The following SDK1 variants were observed in gnomAD, a reference collection of about 807,000 sequenced individuals.
SDK1 encodes the protein sidekick cell adhesion molecule 1, also known as protein sidekick-1.
In SDK1, 157 loss-of-function variants were observed where a neutral mutation model predicts 245.5. The ratio of observed to expected loss-of-function variants is 0.64; its 90% CI spans 0.56 to 0.73. SDK1 has a LOEUF of 0.73. Among genes scored for constraint, SDK1 ranks in the 30% least tolerant of loss-of-function variants. The pLI is 0.00. For synonymous variants in SDK1, 1,647 were observed against 1,278.5 expected (o/e 1.29, Z -6.15); for missense variants, 3,583 against 3,002.3 (o/e 1.19, Z -4.52).
At chr7:3,534,038 T>A (rs1193857024) in intron 1 of SDK1, among the ~76,000 whole-genome samples, 1 of 152,236 alleles carries the variant, frequency 6.6e-6, no homozygotes, top group African/African-American at 2.4e-5. Context: ...TGGAACTTTT[T>A]ACCTTTTGAT....
intron 20 of SDK1, among the ~76,000 whole-genome samples, chr7:4,070,958 C>T (rs1441448629): frequency 1.3e-5 from 2 of 151,988 alleles, no homozygotes; most frequent in African/African-American, 4.8e-5. Context: ...GATCCACCCA[C>T]TTTGGCCTCC....
chr7:3,821,487 A>G lies in SDK1; in HGVS notation c.751A>G (p.Thr251Ala), dbSNP rs770868354. 22 of 1,613,670 alleles carry G rather than the reference A, an allele frequency of 1.4e-5. No homozygotes were observed. The highest frequency in any genetic ancestry group is 1.6e-4 in the Middle Eastern group (1 of 6,082). The change falls in exon 5 of 45, where the codon ACC becomes GCC. Residue 251 changes from threonine to alanine, a missense_variant. By Grantham distance (58) the Thr-to-Ala change is moderately conservative. Transcript: ENST00000404826. ...GGAGAATCAGCTGGTGATCCTCGCC[A>G]CCACAACCAGTGATGCCGGGGCATA... Reference protein sequence around the residue: ...TLENQLVILATTTSDAGAYYV... With the variant: ...TLENQLVILAATTSDAGAYYV...
At chr7:3,476,898 G>A (rs548726230) in intron 1 of SDK1, among the ~76,000 whole-genome samples, 1 of 152,184 alleles carries the variant, frequency 6.6e-6, no homozygotes, top group African/African-American at 2.4e-5. Flanking sequence ...GGCAGTAAGT[G>A]GGGAAAGAGG....
At chr7:3,513,785 C>G (rs1047153683) in intron 1 of SDK1, among the ~76,000 whole-genome samples, 1 of 151,940 alleles carries the variant, frequency 6.6e-6, no homozygotes, top group African/African-American at 2.4e-5. Flanking sequence ...TCAGTCTAGT[C>G]CCACCCACCC....
chr7:4,187,724 G>C (rs1159608447), intron 35 of SDK1, among the ~76,000 whole-genome samples: 2 of 152,324 alleles, frequency 1.3e-5, no homozygotes, highest in Admixed American at 1.3e-4. Flanking sequence ...CCAGTCCAAA[G>C]GTGGTTTGGG....
At chr7:3,472,060 A>T (rs2128598786) in intron 1 of SDK1, among the ~76,000 whole-genome samples, 2 of 152,288 alleles carry the variant, frequency 1.3e-5, no homozygotes, top group South Asian at 4.1e-4. Flanking sequence ...AGATGGTAGC[A>T]GTGCTGTGGT....
chr7:3,540,258 T>C (rs1779015561), intron 1 of SDK1, among the ~76,000 whole-genome samples: 1 of 152,110 alleles, frequency 6.6e-6, no homozygotes, highest in Non-Finnish European at 1.5e-5. Flanking sequence ...AATACAAAAA[T>C]TAGCCAGACA....
At chr7:3,906,151 C>A (rs1285374095) in intron 5 of SDK1, among the ~76,000 whole-genome samples, 5 of 151,968 alleles carry the variant, frequency 3.3e-5, no homozygotes, top group Non-Finnish European at 7.4e-5. Context: ...GATGTTTGTC[C>A]TCACCTTTGA....
chr7:3,480,077 A>G (rs1022004514), intron 1 of SDK1, among the ~76,000 whole-genome samples: 1 of 152,220 alleles, frequency 6.6e-6, no homozygotes, highest in Non-Finnish European at 1.5e-5. Context: ...AAGGGGAATT[A>G]AGATAGCAGA....
intron 22 of SDK1, among the ~76,000 whole-genome samples, chr7:4,098,242 A>C (rs1782291028): frequency 6.6e-6 from 1 of 152,242 alleles, no homozygotes; most frequent in African/African-American, 2.4e-5. Flanking sequence ...CGCATACGTG[A>C]CAACTCAAGT....
intron 1 of SDK1, among the ~76,000 whole-genome samples, chr7:3,310,258 G>T (rs1022772157): frequency 2.0e-5 from 3 of 152,190 alleles, no homozygotes; most frequent in Non-Finnish European, 4.4e-5. Flanking sequence ...TCCAAAATCT[G>T]TGAAATGATC....
chr7:3,894,029 A>G (rs527594812), intron 5 of SDK1, among the ~76,000 whole-genome samples: 1 of 152,204 alleles, frequency 6.6e-6, no homozygotes, highest in Non-Finnish European at 1.5e-5. Context: ...ACCTAAAGAC[A>G]TGGGAAGTTT....
At position 3,961,167 on chromosome 7, in the gene SDK1, T is replaced by C. The variant is rs190015538; in HGVS notation, c.1235-1490T>C. ...CTGTCATATAATTTACTGCTTTCTT[T>C]TCATTTTGACAGTGAAACTATAGCA... On this transcript the variant is annotated intron_variant, in intron 8 of 44. Transcript: ENST00000404826. 1.3e-3 allele frequency among the ~76,000 whole-genome samples: 200 copies of C among 152,372 alleles called. 1 individual carries two copies. Among genetic ancestry groups the C allele is most frequent in the Admixed American group, 9.1e-4 (14 of 15,312 alleles).
At chr7:4,193,589 T>C (rs1006902015) in intron 35 of SDK1, among the ~76,000 whole-genome samples, 1 of 151,910 alleles carries the variant, frequency 6.6e-6, no homozygotes, top group Non-Finnish European at 1.5e-5. Context: ...AGTCCCATTC[T>C]TTTTCGGTCC....
intron 4 of SDK1, among the ~76,000 whole-genome samples, chr7:3,722,664 C>G (rs1312656792): frequency 6.6e-6 from 1 of 152,202 alleles, no homozygotes; most frequent in African/African-American, 2.4e-5. Flanking sequence ...TAGCAGCATC[C>G]TGTAGCCACC....
At chr7:3,394,371 A>G (rs567096749) in intron 1 of SDK1, among the ~76,000 whole-genome samples, 2 of 152,214 alleles carry the variant, frequency 1.3e-5, no homozygotes, top group South Asian at 4.1e-4. Flanking sequence ...TTATTGCTGG[A>G]TTCGTAATTA....
chr7:4,218,193 C>G (rs1374122653), intron 38 of SDK1, among the ~76,000 whole-genome samples: 3 of 152,098 alleles, frequency 2.0e-5, no homozygotes, highest in African/African-American at 7.2e-5. Context: ...CACTTGAGGT[C>G]AGGAGTTTAA....
intron 4 of SDK1, among the ~76,000 whole-genome samples, chr7:3,686,151 C>T (rs545074775): frequency 2.0e-5 from 3 of 152,322 alleles, no homozygotes; most frequent in African/African-American, 7.2e-5. Flanking sequence ...TCTCGGCCCA[C>T]TGCAACCTCT....
chr7:3,734,473 C>G lies in SDK1; in HGVS notation c.714-86977C>G, dbSNP rs189422024. 2.0e-5 allele frequency among the ~76,000 whole-genome samples: 3 copies of G among 152,298 alleles called. No homozygotes were observed. The East Asian group carries it at 5.8e-4, about 29-fold the overall frequency. ...CTTATAGATGGTGTTAAGAATGATC[C>G]TTGAAAAGGGATGTACTTTAGTATT... On this transcript the variant is annotated intron_variant, in intron 4 of 44. Coordinates refer to ENST00000404826, the MANE Select transcript of SDK1 (RefSeq NM_152744.4).
Sources: allele counts gnomAD v4.1 joint callset (sites outside exome capture counted in the v4.1 genomes callset), GRCh38; gene constraint gnomAD v4.1.1; transcripts MANE v1.5; gene names NCBI Gene and HGNC (gene_info 2026-07-23, HGNC 2026-07-21).